Variants in LCE3E observed in about 807,000 individuals in gnomAD.
The protein encoded by LCE3E is late cornified envelope 3E.
For missense variants in LCE3E, 133 were observed against 120.0 expected (o/e 1.11, Z -0.51); for synonymous variants, 40 against 47.0 (o/e 0.85, Z 0.61).
intron 1 of LCE3E, 36 bp from the exon 2 acceptor site, chr1:152,566,265 TAC>T: frequency 6.3e-7 from 1 of 1,595,472 alleles, no homozygotes; most frequent in African/African-American, 1.3e-5. Flanking sequence ...GTTCAAAATC[TAC>T]AGTCCAACGT....
chr1:152,566,369 T>C (rs1659923354), intron 1 of LCE3E, 140 bp from the exon 2 acceptor site: 1 of 879,204 alleles, frequency 1.1e-6, no homozygotes, highest in Non-Finnish European at 1.7e-6. Flanking sequence ...ACTTCTCACA[T>C]TGCTCTCCAC....
Position 152,565,865 on chromosome 1 carries a change from T to A in LCE3E, c.*65A>T. ...TGGGAAGGCATGCGTCAGATGGGGC[T>A]GTTCTTGGCCTCTTGGGATTCTTGT... On this transcript the variant is annotated 3_prime_UTR_variant, in exon 2 of 2. Transcript: ENST00000368789. 1 of 1,581,848 alleles carries A rather than the reference T, an allele frequency of 6.3e-7. No homozygotes were observed. The highest frequency in any genetic ancestry group is 8.6e-7 in the Non-Finnish European group (1 of 1,164,342).
At position 152,566,000 on chromosome 1, in the gene LCE3E, G is replaced by A. The variant is rs141015857; in HGVS notation, c.209C>T (p.Ser70Phe). The A allele has an allele frequency of 2.0e-5, 32 of 1,613,850 alleles. 1 individual carries two copies. The Admixed American group carries it at 5.2e-4, about 26-fold the overall frequency. The change falls in exon 2 of 2, where the codon TCC becomes TTC. Residue 70 changes from serine to phenylalanine, a missense_variant. Physicochemically the swap from Ser to Phe is radical, Grantham distance 155 (BLOSUM62 -2). Coordinates refer to ENST00000368789, the MANE Select transcript of LCE3E (RefSeq NM_178435.4). ...HHRCRRQRSN[S>F]CDRGSGQQGG... ...TTGCTGACCACTGCCCCTGTCACAG[G>A]AGTTGGACCTCTGGCGCCGGCATCG...
At chr1:152,566,346 G>T in intron 1 of LCE3E, 117 bp from the exon 2 acceptor site, 1 of 1,067,164 alleles carries the variant, frequency 9.4e-7, no homozygotes, top group Non-Finnish European at 1.3e-6. Flanking sequence ...GGAGCTGGTG[G>T]GATATGCCAG....
intron 1 of LCE3E, among the ~76,000 whole-genome samples, chr1:152,566,513 A>T (rs1659927110): frequency 6.6e-6 from 1 of 151,998 alleles, no homozygotes; most frequent in South Asian, 2.1e-4. Context: ...GCCTGAGTAG[A>T]AAGAGGATGG....
rs542002417 is a variant in LCE3E, at chr1:152,566,240, C to T, written c.-21-11G>A. 24 of 1,610,358 alleles carry T rather than the reference C, an allele frequency of 1.5e-5. No individual in the cohort carries two copies. In the East Asian group the frequency reaches 2.9e-4, roughly 19 times the overall value. On this transcript the variant is annotated splice_polypyrimidine_tract_variant and intron_variant, in intron 1 of 1. Transcript: ENST00000368789. Reference sequence around the variant, plus strand: ...AGGAGTTGAGATGTCCTGGAGAAAACGAAGCCACTTCTTAGTTCAAAATCT... The same window carrying T: ...AGGAGTTGAGATGTCCTGGAGAAAATGAAGCCACTTCTTAGTTCAAAATCT...
chr1:152,566,357 A>G (rs1659923195), intron 1 of LCE3E, 128 bp from the exon 2 acceptor site: 4 of 973,326 alleles, frequency 4.1e-6, no homozygotes, highest in Non-Finnish European at 6.0e-6. Flanking sequence ...GATATGCCAG[A>G]TACTTCTCAC....
At position 152,565,768 on chromosome 1, in the gene LCE3E, C is replaced by G; in HGVS notation, c.*162G>C. Reference sequence around the variant, plus strand: ...CATCCTGTACATAAAACAAGAAGTGCCTTCTGGGGAGAGCTCAGATCCCCC... The same window carrying G: ...CATCCTGTACATAAAACAAGAAGTGGCTTCTGGGGAGAGCTCAGATCCCCC... On this transcript the variant is annotated 3_prime_UTR_variant, in exon 2 of 2. Coordinates refer to ENST00000368789, the MANE Select transcript of LCE3E (RefSeq NM_178435.4). 1 of 1,017,492 alleles carries G rather than the reference C, an allele frequency of 9.8e-7. No individual in the cohort carries two copies. Among genetic ancestry groups the G allele is most frequent in the Non-Finnish European group, 1.4e-6 (1 of 697,822 alleles). The allele number at this position is 1,017,492 out of a possible 1,614,324, so 63.0% of individuals were successfully genotyped here. A position where few individuals can be genotyped will look rare whatever the true frequency, so the allele number is the denominator to read the frequency against.
rs752539068 is a variant in LCE3E at position 152,566,247 on chromosome 1, A to G, written c.-21-18T>C. On this transcript the variant is annotated intron_variant, in intron 1 of 1. Coordinates refer to ENST00000368789, the MANE Select transcript of LCE3E (RefSeq NM_178435.4). ...GAGATGTCCTGGAGAAAACGAAGCC[A>G]CTTCTTAGTTCAAAATCTACAGTCC... 1.2e-6 allele frequency: 2 copies of G among 1,607,444 alleles called. No homozygotes were observed. The highest frequency in any genetic ancestry group is 2.7e-5 in the African/African-American group (2 of 74,752).
intron 1 of LCE3E, 45 bp from the exon 2 acceptor site, chr1:152,566,274 A>G (rs1659921680): frequency 5.7e-6 from 9 of 1,580,448 alleles, no homozygotes; most frequent in South Asian, 2.4e-5. Context: ...CTACAGTCCA[A>G]CGTCTCTAAG....
At chr1:152,566,449 G>A (rs1316933483) in intron 1 of LCE3E, among the ~76,000 whole-genome samples, 2 of 152,004 alleles carry the variant, frequency 1.3e-5, no homozygotes, top group Non-Finnish European at 2.9e-5. Flanking sequence ...CCTAGGGAAT[G>A]CACCCTTTTG....
chr1:152,565,808 AG>A lies in LCE3E; in HGVS notation c.*121del, dbSNP rs1659908560. 7.0e-7 allele frequency: 1 copy of A among 1,433,796 alleles called. No individual in the cohort carries two copies. Among genetic ancestry groups the A allele is most frequent in the Non-Finnish European group, 9.4e-7 (1 of 1,060,738 alleles). 88.8% of individuals were successfully genotyped at this position (1,433,796 alleles called of 1,614,324 possible). A position where few individuals can be genotyped will look rare whatever the true frequency, so the allele number is the denominator to read the frequency against. On this transcript the variant is annotated 3_prime_UTR_variant, in exon 2 of 2. Transcript: ENST00000368789. ...TCAGATCCCCCACAGGAAAACCTCCAGCTCAGCCTGTGAAAGTCAGAAGAGG... is the reference window on the plus strand; with the variant it reads ...TCAGATCCCCCACAGGAAAACCTCCACTCAGCCTGTGAAAGTCAGAAGAGG...
rs1659921642 is a variant in LCE3E, at chr1:152,566,271, C to T, written c.-21-42G>A. The T allele has an allele frequency of 6.3e-6, 10 of 1,584,108 alleles. No homozygotes were observed. In the Admixed American group the frequency reaches 1.8e-4, roughly 28 times the overall value. On this transcript the variant is annotated intron_variant, in intron 1 of 1. Coordinates refer to ENST00000368789, the MANE Select transcript of LCE3E (RefSeq NM_178435.4). ...CACTTCTTAGTTCAAAATCTACAGT[C>T]CAACGTCTCTAAGACCAGCTGCCTC... is the stretch of plus-strand genomic sequence containing the variant.
In LCE3E at chr1:152,565,881, G is replaced by A. The variant is rs1308624260; in HGVS notation, c.*49C>T. 1.9e-6 allele frequency: 3 copies of A among 1,598,810 alleles called. No homozygotes were observed. The highest frequency in any genetic ancestry group is 2.7e-5 in the African/African-American group (2 of 74,656). On this transcript the variant is annotated 3_prime_UTR_variant, in exon 2 of 2. Coordinates refer to ENST00000368789, the MANE Select transcript of LCE3E (RefSeq NM_178435.4). ...AGATGGGGCTGTTCTTGGCCTCTTG[G>A]GATTCTTGTTTCCTCCAAAGATCGC...
In LCE3E at chr1:152,566,083, C is replaced by G; in HGVS notation, c.126G>C (p.Gly42=). 1 of 1,613,798 alleles carries G rather than the reference C, an allele frequency of 6.2e-7. No homozygotes were observed. Residue 42 remains glycine, a synonymous_variant, in exon 2 of 2, where the codon GGG becomes GGC. Transcript: ENST00000368789. ...PASSGCAPSS[G]GCGPSSEGGC... ...CGCCCTCGGAGCTAGGGCCACAGCC[C>G]CCAGAGCTTGGGGCACAGCCAGAGG... is the stretch of plus-strand genomic sequence containing the variant.
rs1462002045 is a variant in LCE3E at position 152,566,231 on chromosome 1, T to G, written c.-21-2A>C. ...CATCTTGGCAGGAGTTGAGATGTCCTGGAGAAAACGAAGCCACTTCTTAGT... is the reference window on the plus strand; with the variant it reads ...CATCTTGGCAGGAGTTGAGATGTCCGGGAGAAAACGAAGCCACTTCTTAGT... On this transcript the variant is annotated splice_acceptor_variant, in intron 1 of 1. Coordinates refer to ENST00000368789, the MANE Select transcript of LCE3E (RefSeq NM_178435.4). LOFTEE classifies it low-confidence loss of function (5UTR_SPLICE). The G allele has an allele frequency of 1.9e-6, 3 of 1,612,086 alleles. No individual in the cohort carries two copies. Among genetic ancestry groups the G allele is most frequent in the Non-Finnish European group, 2.5e-6 (3 of 1,179,524 alleles).
chr1:152,565,826 C>A lies in LCE3E; in HGVS notation c.*104G>T, dbSNP rs1281555312. On this transcript the variant is annotated 3_prime_UTR_variant, in exon 2 of 2. Transcript: ENST00000368789. Reference sequence around the variant, plus strand: ...AACCTCCAGCTCAGCCTGTGAAAGTCAGAAGAGGGTATATGGGAAGGCATG... The same window carrying A: ...AACCTCCAGCTCAGCCTGTGAAAGTAAGAAGAGGGTATATGGGAAGGCATG... 8 of 1,495,956 alleles carry A rather than the reference C, an allele frequency of 5.3e-6. No individual in the cohort carries two copies. Among genetic ancestry groups the A allele is most frequent in the South Asian group, 1.3e-5 (1 of 76,374 alleles). The allele number at this position is 1,495,956 out of a possible 1,614,324, so 92.7% of individuals were successfully genotyped here.
chr1:152,565,786 G>T lies in LCE3E; in HGVS notation c.*144C>A. 8.1e-7 allele frequency: 1 copy of T among 1,233,162 alleles called. No homozygotes were observed. Among genetic ancestry groups the T allele is most frequent in the East Asian group, 2.3e-5 (1 of 42,834 alleles). 76.4% of individuals were successfully genotyped at this position (1,233,162 alleles called of 1,614,324 possible). A position where few individuals can be genotyped will look rare whatever the true frequency, so the allele number is the denominator to read the frequency against. ...AGAAGTGCCTTCTGGGGAGAGCTCA[G>T]ATCCCCCACAGGAAAACCTCCAGCT... On this transcript the variant is annotated 3_prime_UTR_variant, in exon 2 of 2. Coordinates refer to ENST00000368789, the MANE Select transcript of LCE3E (RefSeq NM_178435.4).
chr1:152,565,833 G>A lies in LCE3E; in HGVS notation c.*97C>T, dbSNP rs1659909298. On this transcript the variant is annotated 3_prime_UTR_variant, in exon 2 of 2. Transcript: ENST00000368789. ...AGCTCAGCCTGTGAAAGTCAGAAGA[G>A]GGTATATGGGAAGGCATGCGTCAGA... The A allele has an allele frequency of 2.0e-6, 3 of 1,516,170 alleles. No individual in the cohort carries two copies. The highest frequency in any genetic ancestry group is 2.7e-6 in the Non-Finnish European group (3 of 1,121,474). 93.9% of individuals were successfully genotyped at this position (1,516,170 alleles called of 1,614,324 possible).
Sources: allele counts gnomAD v4.1 joint callset (sites outside exome capture counted in the v4.1 genomes callset), GRCh38; gene constraint gnomAD v4.1.1; transcripts MANE v1.5; gene names NCBI Gene and HGNC (gene_info 2026-07-23, HGNC 2026-07-21).